STARD9: variants seen among roughly 807,000 people sequenced by gnomAD.
STARD9 encodes the protein StAR related lipid transfer domain containing 9.
STARD9 carries 346 observed loss-of-function variants against 399.8 expected under a neutral mutation model. That is an observed-to-expected ratio of 0.87 (90% CI 0.79 to 0.95). The LOEUF (loss-of-function observed/expected upper bound fraction) is 0.95. Among genes scored for constraint, STARD9 ranks in the 40% least tolerant of loss-of-function variants. The probability of loss-of-function intolerance (pLI) is 0.00; values close to 1 mark genes in which losing one functional copy is unlikely to be tolerated. For missense variants in STARD9, 5,832 were observed against 5,667.5 expected (o/e 1.03, Z -0.93); for synonymous variants, 2,203 against 2,143.5 (o/e 1.03, Z -0.77).
chr15:42,619,158 A>G (rs1158596988), intron 3 of STARD9, among the ~76,000 whole-genome samples: 7 of 152,160 alleles, frequency 4.6e-5, no homozygotes, highest in Admixed American at 6.6e-5. Flanking sequence ...ATATTTACAC[A>G]TGCATAGATT....
chr15:42,677,365 C>T (rs769656921), intron 20 of STARD9, among the ~76,000 whole-genome samples: 5 of 152,216 alleles, frequency 3.3e-5, no homozygotes, highest in Admixed American at 2.0e-4. Context: ...ACAGAAATTG[C>T]GTGAAGGATG....
chr15:42,674,556 G>A lies in STARD9; in HGVS notation c.1549+65G>A, dbSNP rs1309892872. ...GTATTTGTGCCCGAAAGGTTTCTTC[G>A]AGGACTTTGATGATGCTCTGAGAAG... On this transcript the variant is annotated intron_variant, in intron 17 of 32. Transcript: ENST00000290607. 1.7e-5 allele frequency: 24 copies of A among 1,428,678 alleles called. No individual in the cohort carries two copies. In the East Asian group the frequency reaches 1.7e-4, roughly 10 times the overall value. The allele number at this position is 1,428,678 out of a possible 1,614,324, so 88.5% of individuals were successfully genotyped here. A position where few individuals can be genotyped will look rare whatever the true frequency, so the allele number is the denominator to read the frequency against.
At position 42,636,994 on chromosome 15, in the gene STARD9, A is replaced by T. The variant is rs546152162; in HGVS notation, c.352-913A>T. Among the ~76,000 whole-genome samples, 97 of 150,652 alleles carry T rather than the reference A, an allele frequency of 6.4e-4. 1 individual carries two copies. The highest frequency in any genetic ancestry group is 7.5e-4 in the Non-Finnish European group (51 of 67,656). ...CAGGAGAATTCCTTGAACTCGGGAGATGGAGGTTGCAGTGAGCCGAGATCA... is the reference window on the plus strand; with the variant it reads ...CAGGAGAATTCCTTGAACTCGGGAGTTGGAGGTTGCAGTGAGCCGAGATCA... On this transcript the variant is annotated intron_variant, in intron 4 of 32. Transcript: ENST00000290607.
rs1595837717 is a variant in STARD9 at position 42,718,050 on chromosome 15, G to A, written c.13633G>A (p.Ala4545Thr). 1.3e-6 allele frequency: 2 copies of A among 1,537,218 alleles called. No individual in the cohort carries two copies. Among genetic ancestry groups the A allele is most frequent in the East Asian group, 2.4e-5 (1 of 40,912 alleles). Reference sequence around the variant, plus strand: ...TCCCACTCGGCATGGCTTCCTGGGGGCAGGTGTGGTGTCCCAGCCGCTGTC... The same window carrying A: ...TCCCACTCGGCATGGCTTCCTGGGGACAGGTGTGGTGTCCCAGCCGCTGTC... Reference protein sequence around the residue: ...FSPTRHGFLGAGVVSQPLSRV... With the variant: ...FSPTRHGFLGTGVVSQPLSRV... Residue 4545 changes from alanine (A) to threonine (T), a missense_variant, in exon 30 of 33, where the codon GCA becomes ACA. By Grantham distance (58) the Ala-to-Thr change is moderately conservative. Coordinates refer to ENST00000290607, the MANE Select transcript of STARD9 (RefSeq NM_020759.3).
At position 42,661,151 on chromosome 15, in the gene STARD9, C is replaced by A. The variant is rs1027651829; in HGVS notation, c.703-7C>A. The A allele has an allele frequency of 1.3e-6, 2 of 1,533,558 alleles. No homozygotes were observed. Among genetic ancestry groups the A allele is most frequent in the Middle Eastern group, 1.7e-4 (1 of 5,984 alleles). 95.0% of individuals were successfully genotyped at this position (1,533,558 alleles called of 1,614,324 possible). A position where few individuals can be genotyped will look rare whatever the true frequency, so the allele number is the denominator to read the frequency against. On this transcript the variant is annotated splice_polypyrimidine_tract_variant and splice_region_variant and intron_variant, in intron 9 of 32. Coordinates refer to ENST00000290607, the MANE Select transcript of STARD9 (RefSeq NM_020759.3). ...AAATGACAGGCTTTAAATGTTTTCT[C>A]CTCTAGGCAATCCTGGAGAACAACC...
At position 42,684,113 on chromosome 15, in the gene STARD9, CA is replaced by C. The variant is rs1462908220; in HGVS notation, c.2538-2del. 1 of 1,521,484 alleles carries C rather than the reference CA, an allele frequency of 6.6e-7. No individual in the cohort carries two copies. 94.2% of individuals were successfully genotyped at this position (1,521,484 alleles called of 1,614,324 possible). A position where few individuals can be genotyped will look rare whatever the true frequency, so the allele number is the denominator to read the frequency against. On this transcript the variant is annotated splice_acceptor_variant, in intron 22 of 32. Coordinates refer to ENST00000290607, the MANE Select transcript of STARD9 (RefSeq NM_020759.3). LOFTEE classifies it high-confidence loss of function. Reference sequence around the variant, plus strand: ...TCTGAGATAGCTTTCCTTGTCTTCACAGCATTTTCCTAAGTTGGGATCCCTC... The same window carrying C: ...TCTGAGATAGCTTTCCTTGTCTTCACGCATTTTCCTAAGTTGGGATCCCTC...
intron 15 of STARD9, among the ~76,000 whole-genome samples, chr15:42,668,944 GT>G (rs2060154539): frequency 6.6e-6 from 1 of 152,168 alleles, no homozygotes; most frequent in African/African-American, 2.4e-5. Context: ...GGGGGCTTCT[GT>G]TTATACAAGT....
chr15:42,637,359 C>T (rs1246766384), intron 4 of STARD9, among the ~76,000 whole-genome samples: 1 of 152,032 alleles, frequency 6.6e-6, no homozygotes. Context: ...ACCATAGGCA[C>T]ACGCCACCAT....
chr15:42,687,803 C>G lies in STARD9; in HGVS notation c.6225C>G (p.Ser2075=). 1.3e-6 allele frequency: 2 copies of G among 1,537,416 alleles called. No homozygotes were observed. The highest frequency in any genetic ancestry group is 1.7e-6 in the Non-Finnish European group (2 of 1,146,996). The change falls in exon 23 of 33, where the codon TCC becomes TCG. Residue 2075 remains serine (S), a synonymous_variant. Transcript: ENST00000290607. ...AGCAGAATAAGCAGGTTCATGCTTC[C>G]CACACACCAGGAACCGATAAGGAGT... ...ESKQNKQVHA[S]HTPGTDKELV... is the part of the protein sequence containing the mutation.
chr15:42,622,875 G>T (rs1431699496), intron 3 of STARD9, among the ~76,000 whole-genome samples: 1 of 152,164 alleles, frequency 6.6e-6, no homozygotes, highest in East Asian at 1.9e-4. Flanking sequence ...CTGAAGAGAG[G>T]CCTTTATCTG....
chr15:42,695,699 G>C (rs1432289619), intron 25 of STARD9, 44 bp from the exon 26 acceptor site: 11 of 1,520,490 alleles, frequency 7.2e-6, no homozygotes, highest in Non-Finnish European at 9.7e-6. Flanking sequence ...TGGGGAAAGT[G>C]AGGGTGCATC....
chr15:42,654,871 T>A (rs953997157), intron 9 of STARD9, among the ~76,000 whole-genome samples: 6 of 152,114 alleles, frequency 3.9e-5, no homozygotes, highest in Non-Finnish European at 8.8e-5. Context: ...GTCTACAAAT[T>A]CAATGCAATC....
At chr15:42,581,496 G>A in intron 1 of STARD9, 1 of 1,489,882 alleles carries the variant, frequency 6.7e-7, no homozygotes, top group African/African-American at 1.4e-5. Context: ...CATGGCTGTG[G>A]ACGCGGGCTC....
intron 1 of STARD9, chr15:42,581,479 A>C: frequency 6.6e-7 from 1 of 1,512,352 alleles, no homozygotes. Context: ...CTGCCAGCGG[A>C]GGAGGACATG....
intron 3 of STARD9, among the ~76,000 whole-genome samples, chr15:42,592,715 A>G (rs2058426031): frequency 6.6e-6 from 1 of 152,190 alleles, no homozygotes; most frequent in Non-Finnish European, 1.5e-5. Flanking sequence ...AAGTGCTGGG[A>G]TTACAGGCGT....
At chr15:42,706,407 A>G (rs1009013229) in intron 26 of STARD9, among the ~76,000 whole-genome samples, 2 of 149,772 alleles carry the variant, frequency 1.3e-5, no homozygotes, top group Non-Finnish European at 3.0e-5. Flanking sequence ...GATTCTCTAG[A>G]CCTGCACTAC....
chr15:42,665,213 T>C, intron 13 of STARD9, 40 bp from the exon 14 acceptor site: 1 of 1,481,412 alleles, frequency 6.8e-7, no homozygotes. Flanking sequence ...TGAGTGGGAC[T>C]TGATAACAAT....
Position 42,688,934 on chromosome 15 carries a change from C to G in STARD9, c.7356C>G (p.Thr2452=). The G allele has an allele frequency of 6.5e-7, 1 of 1,537,440 alleles. No homozygotes were observed. Among genetic ancestry groups the G allele is most frequent in the Non-Finnish European group, 8.7e-7 (1 of 1,146,956 alleles). The change falls in exon 23 of 33, where the codon ACC becomes ACG. Residue 2452 remains threonine (T), a synonymous_variant. Coordinates refer to ENST00000290607, the MANE Select transcript of STARD9 (RefSeq NM_020759.3). ...ACCATGGAAAGGACCTCAGAATCACCTTGCTGGGTTTCAGTACCAGTGAAG... is the reference window on the plus strand; with the variant it reads ...ACCATGGAAAGGACCTCAGAATCACGTTGCTGGGTTTCAGTACCAGTGAAG... ...PQDHGKDLRI[T]LLGFSTSEDF...
At chr15:42,626,804 G>A (rs1008784896) in intron 3 of STARD9, among the ~76,000 whole-genome samples, 6 of 151,492 alleles carry the variant, frequency 4.0e-5, no homozygotes, top group East Asian at 3.9e-4. Context: ...GAGCCACCGC[G>A]CCTGGCCATC....
Sources: allele counts gnomAD v4.1 joint callset (sites outside exome capture counted in the v4.1 genomes callset), GRCh38; gene constraint gnomAD v4.1.1; transcripts MANE v1.5; gene names NCBI Gene and HGNC (gene_info 2026-07-23, HGNC 2026-07-21).